Variants in FIGNL2 observed in about 807,000 individuals in gnomAD.
FIGNL2 encodes the protein fidgetin like 2.
For synonymous variants in FIGNL2, 565 were observed against 484.0 expected, an observed-to-expected ratio of 1.17 and a Z score of -2.20; for missense variants, 1,060 against 950.2, an observed-to-expected ratio of 1.12 and a Z score of -1.52.
At chr12:51,846,848 T>C (rs1373212983) in intron 1 of FIGNL2, among the ~76,000 whole-genome samples, 1 of 152,198 alleles carries the variant, frequency 6.6e-6, no homozygotes, top group Admixed American at 6.5e-5. Flanking sequence ...CCAGAAGATA[T>C]TACAGCGAGG....
At chr12:51,834,963 A>C (rs972375874) in intron 1 of FIGNL2, among the ~76,000 whole-genome samples, 5 of 152,202 alleles carry the variant, frequency 3.3e-5, no homozygotes, top group African/African-American at 1.2e-4. Context: ...AGATTCTCCC[A>C]AGGTCATACA....
chr12:51,837,562 A>G (rs1939599309), intron 1 of FIGNL2, among the ~76,000 whole-genome samples: 1 of 151,612 alleles, frequency 6.6e-6, no homozygotes, highest in African/African-American at 2.4e-5. Flanking sequence ...CCCGACTGCA[A>G]CCTCATCAGA....
Position 51,820,347 on chromosome 12 carries a change from C to A in FIGNL2, c.*105G>T. The A allele has an allele frequency of 7.0e-7, 1 of 1,422,192 alleles. No individual in the cohort carries two copies. Among genetic ancestry groups the A allele is most frequent in the South Asian group, 1.3e-5 (1 of 75,614 alleles). 88.1% of individuals were successfully genotyped at this position (1,422,192 alleles called of 1,614,324 possible). On this transcript the variant is annotated 3_prime_UTR_variant, in exon 2 of 2. Transcript: ENST00000618634. The stretch of plus-strand genomic sequence containing the variant: ...CCCCTCCTGTCCCCGATCCCACATT[C>A]ACCACTCCAGCCCCTGCCAGCCGGG...
chr12:51,848,213 G>C (rs934920944), intron 1 of FIGNL2: 56 of 984,500 alleles, frequency 5.7e-5, no homozygotes, highest in Middle Eastern at 5.2e-4. Context: ...CCCACCCCCA[G>C]GCCAGCAGAC....
At chr12:51,836,261 C>CGGA (rs1203745563) in intron 1 of FIGNL2, among the ~76,000 whole-genome samples, 1 of 152,130 alleles carries the variant, frequency 6.6e-6, no homozygotes, top group Non-Finnish European at 1.5e-5. Flanking sequence ...GAGGGACAGG[C>CGGA]GGAGGAGGAG....
chr12:51,847,574 C>T, intron 1 of FIGNL2: 1 of 985,480 alleles, frequency 1.0e-6, no homozygotes, highest in Non-Finnish European at 1.2e-6. Context: ...CCCACCCGTC[C>T]ACCCACCCCT....
At chr12:51,843,268 G>A (rs976854971) in intron 1 of FIGNL2, among the ~76,000 whole-genome samples, 6 of 152,128 alleles carry the variant, frequency 3.9e-5, no homozygotes, top group African/African-American at 4.8e-5. Flanking sequence ...GAAGTCTCAC[G>A]GCTCACGTCT....
At position 51,819,723 on chromosome 12, in the gene FIGNL2, AAAAC is replaced by A. The variant is rs1385368972; in HGVS notation, c.*725_*728del. ...GCTACATTTCTGGGATCTCCCCTCA[AAAAC>A]AAACAAAAAATTCCCCTTCTTTGGG... On this transcript the variant is annotated 3_prime_UTR_variant, in exon 2 of 2. Coordinates refer to ENST00000618634, the MANE Select transcript of FIGNL2 (RefSeq NM_001384995.1). 2.0e-5 allele frequency: 3 copies of A among 152,612 alleles called. No homozygotes were observed. The highest frequency in any genetic ancestry group is 2.1e-4 in the South Asian group (1 of 4,834). 9.5% of individuals were successfully genotyped at this position (152,612 alleles called of 1,614,324 possible). A position where few individuals can be genotyped will look rare whatever the true frequency, so the allele number is the denominator to read the frequency against.
intron 1 of FIGNL2, chr12:51,842,120 G>T (rs990691171): frequency 6.6e-6 from 1 of 152,146 alleles, no homozygotes; most frequent in African/African-American, 2.4e-5. Context: ...TCCCAGAATG[G>T]ACTCCTGACC....
chr12:51,844,898 A>T (rs1005322907), intron 1 of FIGNL2: 3 of 984,896 alleles, frequency 3.0e-6, no homozygotes, highest in Non-Finnish European at 3.6e-6. Flanking sequence ...ACTGCAAGTA[A>T]TATGGCCATG....
intron 1 of FIGNL2, chr12:51,844,589 A>G (rs1939712732): frequency 3.1e-6 from 2 of 643,870 alleles, no homozygotes; most frequent in South Asian, 6.9e-5. Flanking sequence ...GGTGGACACC[A>G]TTCTTCACTC....
chr12:51,820,086 T>A lies in FIGNL2; in HGVS notation c.*366A>T. ...AATGCAGAGAATGGGATGGAGAGAG[T>A]GAGGGAGAAGGAGGGTGCCATTCAG... On this transcript the variant is annotated 3_prime_UTR_variant, in exon 2 of 2. Coordinates refer to ENST00000618634, the MANE Select transcript of FIGNL2 (RefSeq NM_001384995.1). 3.9e-6 allele frequency: 1 copy of A among 255,316 alleles called. No individual in the cohort carries two copies. The highest frequency in any genetic ancestry group is 7.5e-6 in the Non-Finnish European group (1 of 133,128). The allele number at this position is 255,316 out of a possible 1,614,324, so 15.8% of individuals were successfully genotyped here.
At chr12:51,822,846 C>A (rs1167118983) in intron 1 of FIGNL2, among the ~76,000 whole-genome samples, 1 of 152,220 alleles carries the variant, frequency 6.6e-6, no homozygotes, top group Non-Finnish European at 1.5e-5. Context: ...AGATGTTTGT[C>A]ACCTACCGTG....
chr12:51,833,934 A>AGGATGGATGGACAGACGGACGGAT (rs1939520939), intron 1 of FIGNL2, among the ~76,000 whole-genome samples: 1 of 149,934 alleles, frequency 6.7e-6, no homozygotes, highest in Admixed American at 6.6e-5. Context: ...AATAGACTAC[A>AGGATGGATGGACAGACGGACGGAT]GGATGGATGG....
At chr12:51,829,788 A>G (rs1565944861) in intron 1 of FIGNL2, among the ~76,000 whole-genome samples, 1 of 150,872 alleles carries the variant, frequency 6.6e-6, no homozygotes, top group Non-Finnish European at 1.5e-5. Context: ...AGAGGAAAAA[A>G]GAAGGAAGGA....
Position 51,818,388 on chromosome 12 carries a change from C to T in FIGNL2, c.*2064G>A, listed in dbSNP as rs992469522. The T allele has an allele frequency of 5.5e-4, 84 of 152,252 alleles. No individual in the cohort carries two copies. Among genetic ancestry groups the T allele is most frequent in the African/African-American group, 2.0e-3 (81 of 41,522 alleles). 9.4% of individuals were successfully genotyped at this position (152,252 alleles called of 1,614,324 possible). Reference sequence around the variant, plus strand: ...ACACCCTCCACCCACCCCCACCCCCCAATACATACACACCTGAGAGAGAAC... The same window carrying T: ...ACACCCTCCACCCACCCCCACCCCCTAATACATACACACCTGAGAGAGAAC... On this transcript the variant is annotated 3_prime_UTR_variant, in exon 2 of 2. Coordinates refer to ENST00000618634, the MANE Select transcript of FIGNL2 (RefSeq NM_001384995.1).
intron 1 of FIGNL2, among the ~76,000 whole-genome samples, chr12:51,843,899 C>A (rs1939703244): frequency 6.6e-6 from 1 of 151,986 alleles, no homozygotes; most frequent in South Asian, 2.1e-4. Context: ...CATAGTGAGA[C>A]CACCGCCTCT....
At chr12:51,838,639 T>C (rs1471212061) in intron 1 of FIGNL2, among the ~76,000 whole-genome samples, 2 of 152,106 alleles carry the variant, frequency 1.3e-5, no homozygotes, top group African/African-American at 4.8e-5. Flanking sequence ...AGCATCCCCC[T>C]CACAGGCTGG....
In FIGNL2 at chr12:51,821,012, C is replaced by T. The variant is rs888413835; in HGVS notation, c.1402G>A (p.Glu468Lys). Residue 468 changes from glutamate (E) to lysine (K), a missense_variant, in exon 2 of 2, where the codon GAG becomes AAG. Physicochemically the swap from Glu to Lys is moderately conservative, Grantham distance 56. Transcript: ENST00000618634. The stretch of plus-strand genomic sequence containing the variant: ...GCGGCCTGGAGGAGGCGCGCGCCCT[C>T]GGCGGCGCCGGGCGCAGCCAGGGTC... ...GATLAAPGAA[E>K]GARLLQAAFA... is the part of the protein sequence containing the mutation. 6.8e-6 allele frequency: 8 copies of T among 1,174,860 alleles called. No individual in the cohort carries two copies. The African/African-American group carries it at 1.3e-4, about 19-fold the overall frequency. 72.8% of individuals were successfully genotyped at this position (1,174,860 alleles called of 1,614,324 possible).
Sources: gnomAD v4.1 joint callset for allele counts (sites outside exome capture counted in the v4.1 genomes callset) on GRCh38, gnomAD v4.1.1 for gene constraint, MANE v1.5 for transcripts, NCBI Gene and HGNC (gene_info 2026-07-23, HGNC 2026-07-21) for gene names.